The following FAM220A variants were observed in gnomAD, a reference collection of about 807,000 sequenced individuals.
FAM220A encodes protein FAM220A.
For synonymous variants in FAM220A, 141 were observed against 130.7 expected (o/e 1.08, Z -0.54); for missense variants, 392 against 321.6 (o/e 1.22, Z -1.68).
chr7:6,333,959 G>T (rs149696751), intron 1 of FAM220A, among the ~76,000 whole-genome samples: 1 of 148,112 alleles, frequency 6.8e-6, no homozygotes, highest in Non-Finnish European at 1.5e-5. Flanking sequence ...CCATTCTCCT[G>T]CCTCAGCCTC....
intron 1 of FAM220A, among the ~76,000 whole-genome samples, chr7:6,347,453 T>C (rs1165475248): frequency 6.6e-6 from 1 of 151,528 alleles, no homozygotes; most frequent in African/African-American, 2.4e-5. Context: ...GAGGCAGAGG[T>C]TGCAGTGAGC....
chr7:6,344,761 G>T (rs1324183791), intron 1 of FAM220A, among the ~76,000 whole-genome samples: 1 of 151,940 alleles, frequency 6.6e-6, no homozygotes, highest in Non-Finnish European at 1.5e-5. Flanking sequence ...TTTTTTTGGA[G>T]ACGGAGTCTC....
At chr7:6,335,210 C>T (rs1313099715) in intron 1 of FAM220A, among the ~76,000 whole-genome samples, 1 of 148,998 alleles carries the variant, frequency 6.7e-6, no homozygotes, top group Non-Finnish European at 1.5e-5. Context: ...TTACAGGAAC[C>T]CACCACCATG....
At chr7:6,343,874 C>T (rs1211562025) in intron 1 of FAM220A, among the ~76,000 whole-genome samples, 3 of 151,996 alleles carry the variant, frequency 2.0e-5, no homozygotes, top group African/African-American at 7.3e-5. Flanking sequence ...TTCTAACATT[C>T]CTGCAATGAA....
At chr7:6,337,123 G>A (rs1184149929) in intron 1 of FAM220A, among the ~76,000 whole-genome samples, 3 of 150,742 alleles carry the variant, frequency 2.0e-5, no homozygotes, top group Admixed American at 6.6e-5. Context: ...CCAGGCTGGA[G>A]TGCAGTGGCG....
At chr7:6,339,397 G>GT (rs1301623993) in intron 1 of FAM220A, among the ~76,000 whole-genome samples, 1 of 152,130 alleles carries the variant, frequency 6.6e-6, no homozygotes, top group African/African-American at 2.4e-5. Context: ...GAGCCTAGGA[G>GT]TTTGAGACCA....
Position 6,330,250 on chromosome 7 carries a change from G to T in FAM220A, c.*125C>A. On this transcript the variant is annotated 3_prime_UTR_variant, in exon 2 of 2. Coordinates refer to ENST00000313324, the MANE Select transcript of FAM220A (RefSeq NM_001037163.2). ...TTTAAACTCAATTTACTTTAAGTCT[G>T]CCAGGTCGTACAAAACTACAGCAGG... 1 of 934,494 alleles carries T rather than the reference G, an allele frequency of 1.1e-6. No individual in the cohort carries two copies. The highest frequency in any genetic ancestry group is 1.6e-6 in the Non-Finnish European group (1 of 627,394). 57.9% of individuals were successfully genotyped at this position (934,494 alleles called of 1,614,324 possible). A position where few individuals can be genotyped will look rare whatever the true frequency, so the allele number is the denominator to read the frequency against.
At chr7:6,334,190 G>C (rs1781701628) in intron 1 of FAM220A, among the ~76,000 whole-genome samples, 1 of 151,522 alleles carries the variant, frequency 6.6e-6, no homozygotes, top group Non-Finnish European at 1.5e-5. Flanking sequence ...AGCCTCCTGA[G>C]TAGCTGGGAT....
At position 6,335,518 on chromosome 7, in the gene FAM220A, G is replaced by A. The variant is rs528910299; in HGVS notation, c.-81-4283C>T. ...GTTGGGACTACAGGTGTGAGCCTCC[G>A]TGCCCAGCCTAGCCGTTAATATGTG... On this transcript the variant is annotated intron_variant, in intron 1 of 1. Transcript: ENST00000313324. 2.9e-3 allele frequency among the ~76,000 whole-genome samples: 422 copies of A among 144,862 alleles called. 1 individual carries two copies. The highest frequency in any genetic ancestry group is 4.8e-3 in the Non-Finnish European group (321 of 66,778).
chr7:6,341,456 AATAATT>A (rs1344327291), intron 1 of FAM220A, among the ~76,000 whole-genome samples: 7 of 139,830 alleles, frequency 5.0e-5, no homozygotes, highest in African/African-American at 1.5e-4. Context: ...AAATAATAAT[AATAATT>A]ATTATTATTA....
chr7:6,337,358 G>C lies in FAM220A; in HGVS notation c.-81-6123C>G, dbSNP rs187586367. 8.5e-5 allele frequency among the ~76,000 whole-genome samples: 13 copies of C among 152,244 alleles called. No individual in the cohort carries two copies. The East Asian group carries it at 2.5e-3, about 29-fold the overall frequency. The stretch of plus-strand genomic sequence containing the variant: ...GCTGGTCTCTAACTCCTGACCTCAG[G>C]TGATCTACCCGCCTCAGCCTCCCAA... On this transcript the variant is annotated intron_variant, in intron 1 of 1. Coordinates refer to ENST00000313324, the MANE Select transcript of FAM220A (RefSeq NM_001037163.2).
At chr7:6,333,840 C>CTTTT (rs904989717) in intron 1 of FAM220A, among the ~76,000 whole-genome samples, 2 of 96,828 alleles carry the variant, frequency 2.1e-5, no homozygotes, top group African/African-American at 3.9e-5. Context: ...CTCCTGGCCT[C>CTTTT]TTTTTTTTTT....
rs541450319 is a variant in FAM220A, at chr7:6,329,572, A to T, written c.*803T>A. 10 of 155,354 alleles carry T rather than the reference A, an allele frequency of 6.4e-5. No homozygotes were observed. Among genetic ancestry groups the T allele is most frequent in the African/African-American group, 2.2e-4 (9 of 41,566 alleles). 9.6% of individuals were successfully genotyped at this position (155,354 alleles called of 1,614,324 possible). A position where few individuals can be genotyped will look rare whatever the true frequency, so the allele number is the denominator to read the frequency against. On this transcript the variant is annotated 3_prime_UTR_variant, in exon 2 of 2. Transcript: ENST00000313324. Reference sequence around the variant, plus strand: ...AAGTTTCACTTTGGGAGTCTTTAAAAACTTATGTCCTTAAATGACCTTTAT... The same window carrying T: ...AAGTTTCACTTTGGGAGTCTTTAAATACTTATGTCCTTAAATGACCTTTAT...
chr7:6,333,056 C>G (rs1781668722), intron 1 of FAM220A, among the ~76,000 whole-genome samples: 1 of 151,560 alleles, frequency 6.6e-6, no homozygotes, highest in Admixed American at 6.6e-5. Flanking sequence ...ACCAGGGAGG[C>G]TGAAGCGAGA....
chr7:6,334,711 C>A (rs369953464), intron 1 of FAM220A, among the ~76,000 whole-genome samples: 4 of 152,116 alleles, frequency 2.6e-5, no homozygotes, highest in Admixed American at 1.3e-4. Context: ...GGCAGTCCAC[C>A]TGCCTTGGCC....
chr7:6,331,738 CTT>C (rs376255551), intron 1 of FAM220A, among the ~76,000 whole-genome samples: 3,402 of 117,578 alleles, frequency 0.029, 40 homozygotes, highest in Middle Eastern at 0.06. Context: ...ATAATAGAGG[CTT>C]TTTTTTTTTT....
At chr7:6,343,285 G>C (rs1032447937) in intron 1 of FAM220A, among the ~76,000 whole-genome samples, 1 of 150,750 alleles carries the variant, frequency 6.6e-6, no homozygotes, top group Non-Finnish European at 1.5e-5. Flanking sequence ...GCTGAGGCAG[G>C]AGAATCGCTT....
intron 1 of FAM220A, among the ~76,000 whole-genome samples, chr7:6,344,608 G>C (rs866575989): frequency 2.0e-5 from 3 of 152,012 alleles, no homozygotes; most frequent in Non-Finnish European, 4.4e-5. Flanking sequence ...TTGTAGAGAC[G>C]GAGTTTCGCC....
chr7:6,334,724 C>T (rs534894232), intron 1 of FAM220A, among the ~76,000 whole-genome samples: 1 of 152,070 alleles, frequency 6.6e-6, no homozygotes, highest in South Asian at 2.1e-4. Flanking sequence ...CCTTGGCCTC[C>T]CAAAGTGCTA....
Sources: gnomAD v4.1 joint callset for allele counts (sites outside exome capture counted in the v4.1 genomes callset) on GRCh38, gnomAD v4.1.1 for gene constraint, MANE v1.5 for transcripts, NCBI Gene and HGNC (gene_info 2026-07-23, HGNC 2026-07-21) for gene names.